CCDC91: variants seen among roughly 807,000 people sequenced by gnomAD.
The protein encoded by CCDC91 is coiled-coil domain-containing protein 91.
A neutral mutation model predicts 63.2 loss-of-function variants in CCDC91; 48 were observed. The ratio of observed to expected loss-of-function variants is 0.76; its 90% CI spans 0.60 to 0.97. CCDC91 has a LOEUF of 0.97. Ranked by LOEUF, CCDC91 falls within the 50% of genes least tolerant of loss-of-function variation. CCDC91 has a pLI of 0.00. For synonymous variants in CCDC91, 167 were observed against 165.8 expected, an observed-to-expected ratio of 1.01 and a Z score of -0.06; for missense variants, 500 against 494.6, an observed-to-expected ratio of 1.01 and a Z score of -0.10.
intron 6 of CCDC91, among the ~76,000 whole-genome samples, chr12:28,358,219 A>G (rs895556761): frequency 6.6e-6 from 1 of 152,226 alleles, no homozygotes; most frequent in African/African-American, 2.4e-5. Context: ...AGCTTGTATC[A>G]GAAAAAGAAC....
At chr12:28,382,926 T>C (rs765858123) in intron 7 of CCDC91, among the ~76,000 whole-genome samples, 3 of 152,076 alleles carry the variant, frequency 2.0e-5, no homozygotes, top group Non-Finnish European at 2.9e-5. Context: ...CAAGGAATAA[T>C]GTGGCATCTG....
intron 12 of CCDC91, among the ~76,000 whole-genome samples, chr12:28,515,588 G>T (rs1316885588): frequency 6.6e-6 from 1 of 151,896 alleles, no homozygotes; most frequent in East Asian, 1.9e-4. Context: ...ACATAGGAGA[G>T]TGATAAGTGA....
intron 6 of CCDC91, among the ~76,000 whole-genome samples, chr12:28,321,812 G>A (rs985659852): frequency 1.4e-4 from 21 of 151,686 alleles, no homozygotes; most frequent in Non-Finnish European, 2.1e-4. Flanking sequence ...TATATTAGCC[G>A]AACAGTCTAA....
At chr12:28,521,793 G>A (rs10843198) in intron 12 of CCDC91, among the ~76,000 whole-genome samples, 34,638 of 151,996 alleles carry the variant, frequency 0.23, 4,775 homozygotes, top group Non-Finnish European at 0.32. Flanking sequence ...GCGTTGTTGA[G>A]TTTTGTCAAA....
chr12:28,316,904 A>C (rs1329294078), intron 6 of CCDC91, among the ~76,000 whole-genome samples: 2 of 151,796 alleles, frequency 1.3e-5, no homozygotes, highest in Non-Finnish European at 2.9e-5. Flanking sequence ...ATTTGTCCTC[A>C]GTGTCGGGCT....
intron 12 of CCDC91, among the ~76,000 whole-genome samples, chr12:28,532,774 A>G (rs535152116): frequency 6.6e-6 from 1 of 152,212 alleles, no homozygotes; most frequent in African/African-American, 2.4e-5. Context: ...TACAAGACCT[A>G]GTATTTGAAG....
chr12:28,356,588 G>T (rs12422959), intron 6 of CCDC91, among the ~76,000 whole-genome samples: 8,421 of 152,230 alleles, frequency 0.055, 621 homozygotes, highest in East Asian at 0.27. Flanking sequence ...CTCCAATACA[G>T]TGGATTCGTT....
chr12:28,467,072 A>G (rs1318711097), intron 11 of CCDC91, among the ~76,000 whole-genome samples: 1 of 152,102 alleles, frequency 6.6e-6, no homozygotes, highest in Non-Finnish European at 1.5e-5. Flanking sequence ...AGAGGAGACT[A>G]CAAAACAACC....
At chr12:28,299,845 CT>C (rs965187269) in intron 3 of CCDC91, among the ~76,000 whole-genome samples, 1 of 151,308 alleles carries the variant, frequency 6.6e-6, no homozygotes, top group African/African-American at 2.4e-5. Flanking sequence ...TTCCCTCAAC[CT>C]TTTTTTCCCT....
At chr12:28,507,972 C>T (rs1329454620) in intron 12 of CCDC91, among the ~76,000 whole-genome samples, 4 of 151,852 alleles carry the variant, frequency 2.6e-5, no homozygotes, top group Admixed American at 2.6e-4. Context: ...CTTTTGTACC[C>T]ATACACTGAC....
chr12:28,207,520 T>C (rs1942941697), intron 1 of CCDC91, among the ~76,000 whole-genome samples: 1 of 152,206 alleles, frequency 6.6e-6, no homozygotes, highest in African/African-American at 2.4e-5. Flanking sequence ...TTTCGTGTTA[T>C]AAGATCAGTC....
intron 1 of CCDC91, among the ~76,000 whole-genome samples, chr12:28,248,291 C>T (rs1295773760): frequency 6.6e-6 from 1 of 152,096 alleles, no homozygotes; most frequent in Non-Finnish European, 1.5e-5. Context: ...ATTTGAGGTT[C>T]CTGTTAGATT....
chr12:28,190,941 G>C (rs2121127963), intron 1 of CCDC91, among the ~76,000 whole-genome samples: 1 of 152,358 alleles, frequency 6.6e-6, no homozygotes, highest in South Asian at 2.1e-4. Context: ...CCACGAACAC[G>C]TGATTATTGT....
At chr12:28,417,178 G>C (rs1383541309) in intron 8 of CCDC91, among the ~76,000 whole-genome samples, 1 of 151,856 alleles carries the variant, frequency 6.6e-6, no homozygotes, top group African/African-American at 2.4e-5. Context: ...TGTGGTTATT[G>C]GGTTTCCTTT....
At chr12:28,211,776 T>G (rs1405439173) in intron 1 of CCDC91, among the ~76,000 whole-genome samples, 1 of 151,980 alleles carries the variant, frequency 6.6e-6, no homozygotes, top group Non-Finnish European at 1.5e-5. Flanking sequence ...TTTTTTTTTC[T>G]TACCTAAGCA....
intron 3 of CCDC91, among the ~76,000 whole-genome samples, chr12:28,294,962 A>G (rs992053516): frequency 2.0e-5 from 3 of 152,178 alleles, no homozygotes; most frequent in African/African-American, 4.8e-5. Context: ...ATAGTCATGT[A>G]AAAAAAGATA....
intron 6 of CCDC91, among the ~76,000 whole-genome samples, chr12:28,312,892 GCCT>G (rs1329586604): frequency 2.6e-5 from 4 of 151,990 alleles, no homozygotes; most frequent in African/African-American, 9.7e-5. Flanking sequence ...TGATTGTCAG[GCCT>G]CCTCAGCCAA....
intron 6 of CCDC91, among the ~76,000 whole-genome samples, chr12:28,356,972 T>C (rs1166480178): frequency 6.6e-6 from 1 of 152,196 alleles, no homozygotes. Context: ...TAGCCATCCG[T>C]GTAGCAGAGG....
rs77534009 is a variant in CCDC91 at position 28,213,320 on chromosome 12, G to A, written c.-15+22679G>A. 8.9e-3 allele frequency among the ~76,000 whole-genome samples: 1,348 copies of A among 152,304 alleles called. 12 individuals are homozygous for A. The highest frequency in any genetic ancestry group is 0.031 in the African/African-American group (1,288 of 41,566). On this transcript the variant is annotated intron_variant, in intron 1 of 12. Coordinates refer to ENST00000536442, the MANE Select transcript of CCDC91 (RefSeq NM_018318.5). ...ACTCAAGTCTTAGTAGGCCCCTAAA[G>A]ATGAGGCACAAAGTGTGACCCATGA... is the stretch of plus-strand genomic sequence containing the variant.
Sources: gnomAD v4.1 joint callset for allele counts (sites outside exome capture counted in the v4.1 genomes callset) on GRCh38, gnomAD v4.1.1 for gene constraint, MANE v1.5 for transcripts, NCBI Gene and HGNC (gene_info 2026-07-23, HGNC 2026-07-21) for gene names.